Variants in USP5 observed in about 807,000 individuals in gnomAD.
USP5 encodes ubiquitin carboxyl-terminal hydrolase 5.
Under a neutral mutation model 102.5 loss-of-function variants are expected in USP5, and 24 were observed. The observed-to-expected ratio is 0.23, with a 90% CI of 0.17 to 0.33. USP5 has a LOEUF of 0.33. USP5 is among the 10% of genes least tolerant of loss of function. The probability of loss-of-function intolerance (pLI) is 1.00; values close to 1 mark genes in which losing one functional copy is unlikely to be tolerated. For synonymous variants in USP5, 460 were observed against 434.8 expected (o/e 1.06, Z -0.72); for missense variants, 753 against 1,122.1 (o/e 0.67, Z 4.70).
In USP5 at chr12:6,861,892, A is replaced by G. The variant is rs782069794; in HGVS notation, c.1673+275A>G. On this transcript the variant is annotated intron_variant, in intron 13 of 19. Coordinates refer to ENST00000229268, the MANE Select transcript of USP5 (RefSeq NM_001098536.2). This position sits in a 1 kb window ranked among gnomAD's most constrained non-coding sequence, Gnocchi z 4.9. Reference sequence around the variant, plus strand: ...AGCCTCTCTTCATTGCCCCTCAGTCATGGCTGAGCACAGGCACTTAGGATC... The same window carrying G: ...AGCCTCTCTTCATTGCCCCTCAGTCGTGGCTGAGCACAGGCACTTAGGATC... 2.8e-4 allele frequency among the ~76,000 whole-genome samples: 42 copies of G among 152,228 alleles called. No individual in the cohort carries two copies. Among genetic ancestry groups the G allele is most frequent in the African/African-American group, 9.9e-4 (41 of 41,534 alleles).
In USP5 at chr12:6,856,639, C is replaced by CCT; in HGVS notation, c.585-59_585-58dup. The stretch of plus-strand genomic sequence containing the variant: ...TGGATTGGCGGGGGGCCTGCAGAGC[C>CCT]CTCTCTCTCTGCCACTCCCTCAAAT... On this transcript the variant is annotated intron_variant, in intron 5 of 19. Coordinates refer to ENST00000229268, the MANE Select transcript of USP5 (RefSeq NM_001098536.2). The surrounding 1 kb of genome is among the most constrained non-coding windows in gnomAD (Gnocchi z 5.6). The CCT allele has an allele frequency of 6.4e-7, 1 of 1,573,894 alleles. No individual in the cohort carries two copies.
intron 1 of USP5, among the ~76,000 whole-genome samples, chr12:6,853,410 GCTT>G (rs1255818271): frequency 1.3e-5 from 2 of 152,244 alleles, no homozygotes; most frequent in Admixed American, 6.6e-5. Context: ...ACAATGTGCT[GCTT>G]CTCTGAAGTC....
At position 6,861,281 on chromosome 12, in the gene USP5, TAGC is replaced by T. The variant is rs1325224741; in HGVS notation, c.1499-159_1499-157del. On this transcript the variant is annotated intron_variant, in intron 12 of 19. Transcript: ENST00000229268. This position sits in a 1 kb window ranked among gnomAD's most constrained non-coding sequence, Gnocchi z 4.9. ...CTCGTCCAGTGGACACTCAGCTTGT[TAGC>T]AGAGCTGCATGGAAACAGGCGAGAT... Among the ~76,000 whole-genome samples the T allele has an allele frequency of 2.6e-5, 4 of 152,238 alleles. No individual in the cohort carries two copies. The highest frequency in any genetic ancestry group is 4.4e-5 in the Non-Finnish European group (3 of 68,032).
chr12:6,860,442 G>A lies in USP5; in HGVS notation c.1295G>A (p.Arg432Gln). Residue 432 changes from arginine (R) to glutamine (Q), a missense_variant, in exon 11 of 20, where the codon CGG becomes CAG. This residue lies in a region of USP5 where 527 missense variants were observed against 816.5 expected (regional missense o/e 0.65). Coordinates refer to ENST00000229268, the MANE Select transcript of USP5 (RefSeq NM_001098536.2). This position sits in a 1 kb window ranked among gnomAD's most constrained non-coding sequence, Gnocchi z 5.5. ...GKGHPEFSTN[R>Q]QQDAQEFFLH... ...GGCCACCCTGAATTCTCCACCAACCGGCAGCAGGATGCCCAGGAGTTCTTC... is the reference window on the plus strand; with the variant it reads ...GGCCACCCTGAATTCTCCACCAACCAGCAGCAGGATGCCCAGGAGTTCTTC... 1.2e-6 allele frequency: 2 copies of A among 1,614,106 alleles called. No individual in the cohort carries two copies. The highest frequency in any genetic ancestry group is 8.5e-7 in the Non-Finnish European group (1 of 1,180,014).
rs1555126990 is a variant in USP5, at chr12:6,852,192, A to T, written c.13A>T (p.Ser5Cys). Residue 5 changes from serine (S) to cysteine (C), a missense_variant, in exon 1 of 20, where the codon AGT becomes TGT. By Grantham distance (112) the Ser-to-Cys change is moderately radical. Around this residue, in one of 3 missense-constraint regions of USP5, gnomAD observed 527 missense variants for 816.5 expected, o/e 0.65. Transcript: ENST00000229268. ...TGCTGCCGGTGTCATGGCGGAGCTG[A>T]GTGAGGAGGCGCTGCTGTCAGTATT... is the stretch of plus-strand genomic sequence containing the variant. Reference protein sequence around the residue: MAELSEEALLSVLPT... With the variant: MAELCEEALLSVLPT... The T allele has an allele frequency of 3.1e-6, 5 of 1,611,628 alleles. No individual in the cohort carries two copies. The South Asian group carries it at 5.5e-5, about 18-fold the overall frequency.
rs1735568897 is a variant in USP5 at position 6,858,801 on chromosome 12, T to G, written c.1058+184T>G. On this transcript the variant is annotated intron_variant, in intron 8 of 19. Transcript: ENST00000229268. The surrounding 1 kb of genome is among the most constrained non-coding windows in gnomAD (Gnocchi z 4.2). ...CGGGAGGCCAAGATGGGAGAATTGC[T>G]TGAGCCCAGGAGGTTGAGACCAGCC... is the stretch of plus-strand genomic sequence containing the variant. The G allele has an allele frequency of 1.9e-6, 1 of 533,458 alleles. No individual in the cohort carries two copies. The highest frequency in any genetic ancestry group is 1.9e-5 in the African/African-American group (1 of 53,376). 33.0% of individuals were successfully genotyped at this position (533,458 alleles called of 1,614,324 possible). A position where few individuals can be genotyped will look rare whatever the true frequency, so the allele number is the denominator to read the frequency against.
In USP5 at chr12:6,861,802, C is replaced by CT. The variant is rs1353239219; in HGVS notation, c.1673+186dup. On this transcript the variant is annotated intron_variant, in intron 13 of 19. Transcript: ENST00000229268. The surrounding 1 kb of genome is among the most constrained non-coding windows in gnomAD (Gnocchi z 4.9). ...GGTAGGGGGGACACGGGTACTGACTCTATCTGTCACCTTGTCCTGCCCCAA... is the reference window on the plus strand; with the variant it reads ...GGTAGGGGGGACACGGGTACTGACTCTTATCTGTCACCTTGTCCTGCCCCAA... 5.3e-5 allele frequency among the ~76,000 whole-genome samples: 8 copies of CT among 152,260 alleles called. No homozygotes were observed. Among genetic ancestry groups the CT allele is most frequent in the African/African-American group, 1.9e-4 (8 of 41,468 alleles).
At chr12:6,865,051 C>T (rs149056495) in intron 18 of USP5, 113 bp from the exon 19 acceptor site, 2 of 1,286,068 alleles carry the variant, frequency 1.6e-6, no homozygotes, top group East Asian at 2.4e-5. Flanking sequence ...CAGTACCTGC[C>T]TCACATTCCC....
intron 1 of USP5, among the ~76,000 whole-genome samples, chr12:6,852,764 G>A (rs1943967980): frequency 6.6e-6 from 1 of 152,210 alleles, no homozygotes; most frequent in South Asian, 2.1e-4. Flanking sequence ...TAGTCTGGGA[G>A]TGGACTCTCA....
chr12:6,864,200 G>C lies in USP5; in HGVS notation c.2244+5G>C. The C allele has an allele frequency of 1.9e-6, 3 of 1,596,608 alleles. No individual in the cohort carries two copies. The highest frequency in any genetic ancestry group is 1.1e-5 in the South Asian group (1 of 89,112). Reference sequence around the variant, plus strand: ...TTGAAAGCGCTGCGGGCCACGGTATGGGCTGCCCCAGCTAAGGACATGGGG... The same window carrying C: ...TTGAAAGCGCTGCGGGCCACGGTATCGGCTGCCCCAGCTAAGGACATGGGG... On this transcript the variant is annotated splice_donor_5th_base_variant and intron_variant, in intron 17 of 19. Transcript: ENST00000229268. This position sits in a 1 kb window ranked among gnomAD's most constrained non-coding sequence, Gnocchi z 4.8.
intron 19 of USP5, 122 bp downstream of exon 19, chr12:6,865,370 G>A (rs1394844376): frequency 1.2e-5 from 10 of 864,812 alleles, no homozygotes; most frequent in Admixed American, 6.8e-5. Flanking sequence ...GACATAAAGT[G>A]CCAGAGAGTG....
chr12:6,857,027 T>G lies in USP5; in HGVS notation c.769+136T>G. ...GTAGTCAGGTGCGGTGGCTCATGTT[T>G]GCAATCCCAACACTTTGGGAGGCCA... On this transcript the variant is annotated intron_variant, in intron 6 of 19. Transcript: ENST00000229268. 2.5e-6 allele frequency: 3 copies of G among 1,215,104 alleles called. No homozygotes were observed. The South Asian group carries it at 4.6e-5, about 19-fold the overall frequency. 75.3% of individuals were successfully genotyped at this position (1,215,104 alleles called of 1,614,324 possible).
rs782331322 is a variant in USP5 at position 6,862,358 on chromosome 12, T to A, written c.1674-112T>A. On this transcript the variant is annotated intron_variant, in intron 13 of 19. Transcript: ENST00000229268. Reference sequence around the variant, plus strand: ...CAGGGGAAGAGAAGAATATGGAGGATCTTCTGGGTTATTGGGACTTCTACC... The same window carrying A: ...CAGGGGAAGAGAAGAATATGGAGGAACTTCTGGGTTATTGGGACTTCTACC... The A allele has an allele frequency of 7.7e-6, 7 of 912,120 alleles. No individual in the cohort carries two copies. The East Asian group carries it at 1.2e-4, about 16-fold the overall frequency. The allele number at this position is 912,120 out of a possible 1,614,324, so 56.5% of individuals were successfully genotyped here. A position where few individuals can be genotyped will look rare whatever the true frequency, so the allele number is the denominator to read the frequency against.
At position 6,860,256 on chromosome 12, in the gene USP5, T is replaced by G. The variant is rs1944240406; in HGVS notation, c.1218+18T>G. 4 of 1,611,386 alleles carry G rather than the reference T, an allele frequency of 2.5e-6. 1 individual carries two copies. In the East Asian group the frequency reaches 8.9e-5, roughly 36 times the overall value. ...AACAGAAGGTGCGTCTAGGACCCTGTCCCTTTCAGGCCCTGGGATTGTGGG... is the reference window on the plus strand; with the variant it reads ...AACAGAAGGTGCGTCTAGGACCCTGGCCCTTTCAGGCCCTGGGATTGTGGG... On this transcript the variant is annotated intron_variant, in intron 10 of 19. Transcript: ENST00000229268. This position sits in a 1 kb window ranked among gnomAD's most constrained non-coding sequence, Gnocchi z 5.5.
At position 6,864,269 on chromosome 12, in the gene USP5, G is replaced by C. The variant is rs1944363167; in HGVS notation, c.2244+74G>C. ...GTGGGAATGAGGGGCCATCCTTCTT[G>C]AGCAAGACCAAAGACAACAGGTGTG... On this transcript the variant is annotated intron_variant, in intron 17 of 19. Transcript: ENST00000229268. The surrounding 1 kb of genome is among the most constrained non-coding windows in gnomAD (Gnocchi z 4.8). 3 of 1,501,558 alleles carry C rather than the reference G, an allele frequency of 2.0e-6. No homozygotes were observed. The Admixed American group carries it at 6.8e-5, about 34-fold the overall frequency. The allele number at this position is 1,501,558 out of a possible 1,614,324, so 93.0% of individuals were successfully genotyped here.
rs1944343539 is a variant in USP5, at chr12:6,863,740, T to G, written c.1955-90T>G. 3 of 1,473,852 alleles carry G rather than the reference T, an allele frequency of 2.0e-6. No individual in the cohort carries two copies. The highest frequency in any genetic ancestry group is 4.8e-5 in the East Asian group (2 of 41,848). The allele number at this position is 1,473,852 out of a possible 1,614,324, so 91.3% of individuals were successfully genotyped here. A position where few individuals can be genotyped will look rare whatever the true frequency, so the allele number is the denominator to read the frequency against. On this transcript the variant is annotated intron_variant, in intron 15 of 19. Coordinates refer to ENST00000229268, the MANE Select transcript of USP5 (RefSeq NM_001098536.2). The surrounding 1 kb of genome is among the most constrained non-coding windows in gnomAD (Gnocchi z 4.7). The stretch of plus-strand genomic sequence containing the variant: ...ATGGGAGAAAAATGCATGGAATGGG[T>G]GATTGGAAGAGGGCTGGGTCCTGGG...
Position 6,852,172 on chromosome 12 carries a change from C to T in USP5, c.-8C>T. Reference sequence around the variant, plus strand: ...GCCGCCGTGTGTGGAGAAGCTGCTGCCGGTGTCATGGCGGAGCTGAGTGAG... The same window carrying T: ...GCCGCCGTGTGTGGAGAAGCTGCTGTCGGTGTCATGGCGGAGCTGAGTGAG... On this transcript the variant is annotated 5_prime_UTR_variant, in exon 1 of 20. Coordinates refer to ENST00000229268, the MANE Select transcript of USP5 (RefSeq NM_001098536.2). The T allele has an allele frequency of 1.2e-6, 2 of 1,607,994 alleles. No individual in the cohort carries two copies. Among genetic ancestry groups the T allele is most frequent in the Middle Eastern group, 1.7e-4 (1 of 6,010 alleles).
At position 6,862,503 on chromosome 12, in the gene USP5, G is replaced by C; in HGVS notation, c.1707G>C (p.Leu569=). 1 of 1,614,122 alleles carries C rather than the reference G, an allele frequency of 6.2e-7. No homozygotes were observed. The highest frequency in any genetic ancestry group is 8.5e-7 in the Non-Finnish European group (1 of 1,180,016). The change falls in exon 14 of 20, where the codon CTG becomes CTC. Residue 569 remains leucine (L), a synonymous_variant. Transcript: ENST00000229268. ...GATTTGCCTCATTCCCTGACTACCT[G>C]GTCATCCAGATCAAGAAGTTCACCT... ...TTRFASFPDY[L]VIQIKKFTFG...
At chr12:6,853,636 T>C (rs1426036595) in intron 1 of USP5, among the ~76,000 whole-genome samples, 1 of 152,232 alleles carries the variant, frequency 6.6e-6, no homozygotes, top group African/African-American at 2.4e-5. Context: ...CCTGTCTCTC[T>C]CCTTAGTAAC....
Sources: gnomAD v4.1 joint callset for allele counts (sites outside exome capture counted in the v4.1 genomes callset) on GRCh38, gnomAD v4.1.1 for gene constraint, gnomAD v4.1.1 regional missense constraint, Gnocchi (gnomAD v3.1) non-coding constraint, MANE v1.5 for transcripts, NCBI Gene and HGNC (gene_info 2026-07-23, HGNC 2026-07-21) for gene names.